Variants in ZNF184 observed in about 807,000 individuals in gnomAD.
The protein encoded by ZNF184 is zinc finger protein 184 (Kruppel-like).
Under a neutral mutation model 54.4 loss-of-function variants are expected in ZNF184, and 16 were observed. The ratio of observed to expected loss-of-function variants is 0.29; its 90% CI spans 0.20 to 0.45. The LOEUF is 0.45. Ranked by LOEUF, ZNF184 falls within the 20% of genes least tolerant of loss-of-function variation. The pLI is 1.00. For synonymous variants in ZNF184, 254 were observed against 295.3 expected, an observed-to-expected ratio of 0.86 and a Z score of 1.43; for missense variants, 681 against 888.2, an observed-to-expected ratio of 0.77 and a Z score of 2.97.
chr6:27,411,954 G>A, the ZNF184 span, among the ~76,000 whole-genome samples: 2 of 151,798 alleles, frequency 1.3e-5, no homozygotes, highest in Non-Finnish European at 1.5e-5. Flanking sequence ...CTAATACTGC[G>A]GGGTGGATGA....
chr6:27,414,237 A>T, the ZNF184 span, among the ~76,000 whole-genome samples: 1 of 152,112 alleles, frequency 6.6e-6, no homozygotes, highest in Admixed American at 6.5e-5. Flanking sequence ...TGCCTAACTT[A>T]TCTCTTTGTT....
At chr6:27,426,771 T>A in the ZNF184 span, among the ~76,000 whole-genome samples, 2 of 152,212 alleles carry the variant, frequency 1.3e-5, no homozygotes, top group African/African-American at 4.8e-5. This position sits in a 1 kb window ranked among gnomAD's most constrained non-coding sequence, Gnocchi z 4.2. Context: ...TTCCTTGCCA[T>A]CCACTTATTC....
At chr6:27,447,407 G>A (rs1762649963), downstream of ZNF184, among the ~76,000 whole-genome samples, 1 of 151,952 alleles carries the variant, frequency 6.6e-6, no homozygotes, top group East Asian at 1.9e-4. Context: ...TTAAGAGGCG[G>A]GACCTTTAAA....
chr6:27,467,078 C>T lies in ZNF184; in HGVS notation c.75+775G>A, dbSNP rs573966110. ...TATGAACTTCTGCTTATAATCTTCT[C>T]TATACCTAGAATCCATACCTCCAGC... On this transcript the variant is annotated intron_variant, in intron 3 of 5. Transcript: ENST00000683788. Among the ~76,000 whole-genome samples the T allele has an allele frequency of 7.2e-5, 11 of 152,282 alleles. No individual in the cohort carries two copies. In the South Asian group the frequency reaches 8.3e-4, roughly 11 times the overall value.
the ZNF184 span, among the ~76,000 whole-genome samples, chr6:27,426,960 G>A: frequency 6.6e-6 from 1 of 151,964 alleles, no homozygotes; most frequent in Non-Finnish European, 1.5e-5. The surrounding 1 kb of genome is among the most constrained non-coding windows in gnomAD (Gnocchi z 4.2). Flanking sequence ...GATGGTAGGG[G>A]TAATAAGCCC....
intron 5 of ZNF184, 109 bp downstream of exon 5, chr6:27,456,717 A>G: frequency 1.1e-6 from 1 of 931,342 alleles, no homozygotes; most frequent in Non-Finnish European, 1.6e-6. Flanking sequence ...TCTCCACAGG[A>G]AATACTTTAA....
chr6:27,436,167 GT>G, the ZNF184 span, among the ~76,000 whole-genome samples: 3 of 151,528 alleles, frequency 2.0e-5, no homozygotes, highest in Non-Finnish European at 2.9e-5. Context: ...GTATGTGTGT[GT>G]TTTTTTTGTT....
At chr6:27,430,349 C>A in the ZNF184 span, among the ~76,000 whole-genome samples, 1 of 148,760 alleles carries the variant, frequency 6.7e-6, no homozygotes, top group South Asian at 2.2e-4. Flanking sequence ...CACCCACCCA[C>A]CCCCGGGTCT....
the ZNF184 span, among the ~76,000 whole-genome samples, chr6:27,444,752 C>T: frequency 6.6e-6 from 1 of 152,168 alleles, no homozygotes; most frequent in East Asian, 1.9e-4. Flanking sequence ...TTTCATTCAG[C>T]TTCTGGGGTA....
At chr6:27,406,371 C>T in the ZNF184 span, 4 of 152,230 alleles carry the variant, frequency 2.6e-5, no homozygotes, top group Non-Finnish European at 5.9e-5. Flanking sequence ...AGCTGATGCC[C>T]AGGTGCAAAG....
At chr6:27,422,848 G>A in the ZNF184 span, among the ~76,000 whole-genome samples, 2 of 152,146 alleles carry the variant, frequency 1.3e-5, no homozygotes, top group Non-Finnish European at 2.9e-5. Flanking sequence ...TGACACACAG[G>A]AACTTTCGTA....
chr6:27,463,695 A>G (rs1356281096), intron 3 of ZNF184, among the ~76,000 whole-genome samples: 1 of 152,146 alleles, frequency 6.6e-6, no homozygotes, highest in Non-Finnish European at 1.5e-5. Context: ...TGAGGAAAAA[A>G]GACACACAAA....
At chr6:27,445,361 A>C in the ZNF184 span, among the ~76,000 whole-genome samples, 1 of 152,204 alleles carries the variant, frequency 6.6e-6, no homozygotes, top group African/African-American at 2.4e-5. Context: ...ATAGGGTATG[A>C]TTGCTGTGGT....
chr6:27,427,825 C>G, the ZNF184 span, among the ~76,000 whole-genome samples: 2 of 152,198 alleles, frequency 1.3e-5, no homozygotes, highest in Non-Finnish European at 2.9e-5. Context: ...GTCACAATAG[C>G]TGGGAGTGCC....
At chr6:27,456,722 C>T in intron 5 of ZNF184, 104 bp downstream of exon 5, 2 of 994,822 alleles carry the variant, frequency 2.0e-6, no homozygotes, top group African/African-American at 1.6e-5. Context: ...ACAGGAAATA[C>T]TTTAAAGGGA....
At chr6:27,469,517 T>C (rs1028184196) in intron 2 of ZNF184, among the ~76,000 whole-genome samples, 1 of 152,138 alleles carries the variant, frequency 6.6e-6, no homozygotes, top group Non-Finnish European at 1.5e-5. Flanking sequence ...GGCGTGTGCC[T>C]GTAATCCCAG....
At chr6:27,422,147 A>AGAAAAGAAAAG in the ZNF184 span, among the ~76,000 whole-genome samples, 1 of 49,756 alleles carries the variant, frequency 2.0e-5, no homozygotes, top group South Asian at 9.7e-4. Flanking sequence ...CCTCAAAAAA[A>AGAAAAGAAAAG]AAAAGAAAGA....
the ZNF184 span, among the ~76,000 whole-genome samples, chr6:27,412,946 GA>G: frequency 6.6e-6 from 1 of 152,184 alleles, no homozygotes; most frequent in Non-Finnish European, 1.5e-5. Context: ...AGGATAATAA[GA>G]TTTAAGAGGC....
In ZNF184 at chr6:27,451,551, A is replaced by C; in HGVS notation, c.2008T>G (p.Tyr670Asp). 1 of 1,614,136 alleles carries C rather than the reference A, an allele frequency of 6.2e-7. No homozygotes were observed. The highest frequency in any genetic ancestry group is 2.2e-5 in the East Asian group (1 of 44,886). ...GCTTTGTCACATTCATTGCACTTAT[A>C]GGGCTTCTCCCCAGTGTGAATTCGT... ...HQRIHTGEKP[Y>D]KCNECDKAFS... Residue 670 changes from tyrosine (Y) to aspartate (D), a missense_variant, in exon 6 of 6, where the codon TAT becomes GAT. Tyr to Asp is a radical substitution (Grantham distance 160, BLOSUM62 -3). Transcript: ENST00000683788.
Sources: gnomAD v4.1 joint callset for allele counts (sites outside exome capture counted in the v4.1 genomes callset) on GRCh38, gnomAD v4.1.1 for gene constraint, Gnocchi (gnomAD v3.1) non-coding constraint, MANE v1.5 for transcripts, NCBI Gene and HGNC (gene_info 2026-07-23, HGNC 2026-07-21) for gene names.